Variants in SOX10 observed in about 807,000 individuals in gnomAD.
SOX10 encodes the protein SRY-box transcription factor 10.
Under a neutral mutation model 35.0 loss-of-function variants are expected in SOX10, and 3 were observed. The observed-to-expected ratio is 0.09, with a 90% CI of 0.04 to 0.22. The LOEUF (loss-of-function observed/expected upper bound fraction) is 0.22, where lower values mean the gene tolerates loss of function less well. SOX10 is among the 10% of genes least tolerant of loss of function. The pLI, the probability that SOX10 is intolerant of heterozygous loss-of-function variation, is 1.00. For missense variants in SOX10, 436 were observed against 655.1 expected (o/e 0.67, Z 3.65); for synonymous variants, 285 against 291.0 (o/e 0.98, Z 0.21).
In SOX10 at chr22:37,973,367, C is replaced by A. The variant is rs986768596; in HGVS notation, c.*128G>T. The A allele has an allele frequency of 2.7e-5, 18 of 666,382 alleles. No individual in the cohort carries two copies. The highest frequency in any genetic ancestry group is 4.2e-4 in the Middle Eastern group (1 of 2,390). 41.3% of individuals were successfully genotyped at this position (666,382 alleles called of 1,614,324 possible). On this transcript the variant is annotated 3_prime_UTR_variant, in exon 4 of 4. Coordinates refer to ENST00000396884, the MANE Select transcript of SOX10 (RefSeq NM_006941.4). ...GCAGTGAGCCAGACAGAAAGCCCCC[C>A]GACCTGTCAGCCTCTTCAGCCTCCT...
At position 37,983,380 on chromosome 22, in the gene SOX10, G is replaced by T; in HGVS notation, c.405C>A (p.Ser135Arg). 6.2e-7 allele frequency: 1 copy of T among 1,609,248 alleles called. No individual in the cohort carries two copies. The highest frequency in any genetic ancestry group is 8.5e-7 in the Non-Finnish European group (1 of 1,178,640). Residue 135 changes from serine (S) to arginine (R), a missense_variant, in exon 2 of 4, where the codon AGC becomes AGA. Ser to Arg is a moderately radical substitution (Grantham distance 110). This residue lies in a region of SOX10 where 54 missense variants were observed against 156.7 expected (regional missense o/e 0.34). Transcript: ENST00000396884. The surrounding 1 kb of genome is among the most constrained non-coding windows in gnomAD (Gnocchi z 9.5). ...ACCTCCAGAGCTTGCCCAGCGTCTT[G>T]CTGAGCTCAGCGTTGTGCAGGTGCG... ...QYPHLHNAEL[S>R]KTLGKLWRLL... is the part of the protein sequence containing the mutation.
rs1411459352 is a variant in SOX10, at chr22:37,978,532, T to C, written c.429-397A>G. 6.6e-6 allele frequency among the ~76,000 whole-genome samples: 1 copy of C among 152,122 alleles called. No individual in the cohort carries two copies. Among genetic ancestry groups the C allele is most frequent in the East Asian group, 1.9e-4 (1 of 5,194 alleles). ...ATTGGCTACTTCAGTGGGGGTGAGC[T>C]CCCTGGGACTGAGGGTGGGCAATAG... is the stretch of plus-strand genomic sequence containing the variant. On this transcript the variant is annotated intron_variant, in intron 2 of 3. Transcript: ENST00000396884. This position sits in a 1 kb window ranked among gnomAD's most constrained non-coding sequence, Gnocchi z 5.0.
intron 2 of SOX10, among the ~76,000 whole-genome samples, chr22:37,979,707 A>T (rs1194592308): frequency 6.6e-6 from 1 of 152,092 alleles, no homozygotes; most frequent in Non-Finnish European, 1.5e-5. Context: ...CTCCAGCCTT[A>T]GGCCAGGGTT....
chr22:37,979,940 T>G (rs1414370211), intron 2 of SOX10, among the ~76,000 whole-genome samples: 1 of 151,904 alleles, frequency 6.6e-6, no homozygotes, highest in Non-Finnish European at 1.5e-5. Flanking sequence ...CTTCCCCCAG[T>G]CAGCAGAAGG....
At chr22:37,979,770 T>C (rs1932338734) in intron 2 of SOX10, among the ~76,000 whole-genome samples, 1 of 151,878 alleles carries the variant, frequency 6.6e-6, no homozygotes, top group Admixed American at 6.6e-5. Flanking sequence ...GAGGGCAGGA[T>C]GGGGTACCTT....
At position 37,982,319 on chromosome 22, in the gene SOX10, G is replaced by A. The variant is rs116566204; in HGVS notation, c.428+1038C>T. Among the ~76,000 whole-genome samples the A allele has an allele frequency of 8.1e-3, 1,234 of 152,262 alleles. 21 individuals are homozygous for A. Among genetic ancestry groups the A allele is most frequent in the African/African-American group, 0.028 (1,149 of 41,522 alleles). On this transcript the variant is annotated intron_variant, in intron 2 of 3. Transcript: ENST00000396884. ...GGGCCTGTCTCTTGGTCAGTCTAGCGAGAATCAGGTGACTGCTACCGGCTC... is the reference window on the plus strand; with the variant it reads ...GGGCCTGTCTCTTGGTCAGTCTAGCAAGAATCAGGTGACTGCTACCGGCTC...
Position 37,973,803 on chromosome 22 carries a change from C to G in SOX10, c.1093G>C (p.Gly365Arg), listed in dbSNP as rs748755187. The G allele has an allele frequency of 3.8e-5, 61 of 1,596,320 alleles. No individual in the cohort carries two copies. The highest frequency in any genetic ancestry group is 4.9e-5 in the Non-Finnish European group (57 of 1,168,796). Residue 365 changes from glycine to arginine, a missense_variant, in exon 4 of 4, where the codon GGG (glycine) becomes CGG (arginine). This residue lies in a region of SOX10 where 285 missense variants were observed against 402.9 expected (regional missense o/e 0.71). Coordinates refer to ENST00000396884, the MANE Select transcript of SOX10 (RefSeq NM_006941.4). ...QVKTETAGPQ[G>R]PPHYTDQPST... is the part of the protein sequence containing the mutation. ...GGCTGGTCGGTGTAGTGTGGGGGCC[C>G]CTGGGGCCCCGCGGTCTCTGTCTTC...
chr22:37,973,616 TAGG>T lies in SOX10; in HGVS notation c.1277_1279del (p.Ser426del). The T allele has an allele frequency of 1.2e-6, 2 of 1,613,486 alleles. No homozygotes were observed. The highest frequency in any genetic ancestry group is 1.7e-6 in the Non-Finnish European group (2 of 1,179,798). On this transcript the variant is annotated inframe_deletion, in exon 4 of 4. Coordinates refer to ENST00000396884, the MANE Select transcript of SOX10 (RefSeq NM_006941.4). Reference sequence around the variant, plus strand: ...GAGGGGCCGCTGCGAGGGCCCCATATAGGAGAAGGCCGAGTAGAGGCCAGAGGC... The same window carrying T: ...GAGGGGCCGCTGCGAGGGCCCCATATAGAAGGCCGAGTAGAGGCCAGAGGC...
rs539920005 is a variant in SOX10, at chr22:37,980,288, G to A, written c.429-2153C>T. On this transcript the variant is annotated intron_variant, in intron 2 of 3. Coordinates refer to ENST00000396884, the MANE Select transcript of SOX10 (RefSeq NM_006941.4). The surrounding 1 kb of genome is among the most constrained non-coding windows in gnomAD (Gnocchi z 4.1). ...AGGAGAGAGCTGCTCCGCCAGCAGT[G>A]GACCCCAACAGAGGGGCTTCTGGGA... Among the ~76,000 whole-genome samples the A allele has an allele frequency of 1.1e-4, 17 of 152,196 alleles. No individual in the cohort carries two copies. The South Asian group carries it at 3.5e-3, about 32-fold the overall frequency.
chr22:37,973,349 G>A lies in SOX10; in HGVS notation c.*146C>T. 1 of 619,932 alleles carries A rather than the reference G, an allele frequency of 1.6e-6. No individual in the cohort carries two copies. Among genetic ancestry groups the A allele is most frequent in the South Asian group, 2.0e-5 (1 of 48,930 alleles). 38.4% of individuals were successfully genotyped at this position (619,932 alleles called of 1,614,324 possible). ...GGCGGGTGGGTCATCAGGGCAGTGA[G>A]CCAGACAGAAAGCCCCCCGACCTGT... On this transcript the variant is annotated 3_prime_UTR_variant, in exon 4 of 4. Transcript: ENST00000396884.
In SOX10 at chr22:37,980,052, C is replaced by A. The variant is rs59450552; in HGVS notation, c.429-1917G>T. On this transcript the variant is annotated intron_variant, in intron 2 of 3. Transcript: ENST00000396884. The surrounding 1 kb of genome is among the most constrained non-coding windows in gnomAD (Gnocchi z 4.1). ...GCTTAGCCTCCCTGTCTACTCCCCC[C>A]ACCCCGGCCCTGAGCCCAGCCCTAG... Among the ~76,000 whole-genome samples, 30 of 152,286 alleles carry A rather than the reference C, an allele frequency of 2.0e-4. No homozygotes were observed. Among genetic ancestry groups the A allele is most frequent in the South Asian group, 1.7e-3 (8 of 4,820 alleles).
chr22:37,984,354 C>T lies in SOX10; in HGVS notation c.-100G>A, dbSNP rs1932505141. The stretch of plus-strand genomic sequence containing the variant: ...GCGCACTCACCTCCTCGGACCTCTC[C>T]TCCAGTCTGGGGCTCGTCCTTAGGA... On this transcript the variant is annotated 5_prime_UTR_variant, in exon 1 of 4. Coordinates refer to ENST00000396884, the MANE Select transcript of SOX10 (RefSeq NM_006941.4). The surrounding 1 kb of genome is among the most constrained non-coding windows in gnomAD (Gnocchi z 4.4). 1 of 152,560 alleles carries T rather than the reference C, an allele frequency of 6.6e-6. No individual in the cohort carries two copies. Among genetic ancestry groups the T allele is most frequent in the Non-Finnish European group, 1.5e-5 (1 of 68,168 alleles). The allele number at this position is 152,560 out of a possible 1,614,324, so 9.5% of individuals were successfully genotyped here. A position where few individuals can be genotyped will look rare whatever the true frequency, so the allele number is the denominator to read the frequency against.
rs1932506985 is a variant in SOX10, at chr22:37,984,414, C to T, written c.-160G>A. ...CCGTGTCCCAAGGTGTGCGGTCCAG[C>T]TCGGGGCTGGGAGGTGACGCTGGTG... On this transcript the variant is annotated 5_prime_UTR_variant, in exon 1 of 4. Coordinates refer to ENST00000396884, the MANE Select transcript of SOX10 (RefSeq NM_006941.4). The surrounding 1 kb of genome is among the most constrained non-coding windows in gnomAD (Gnocchi z 4.4). 1.4e-5 allele frequency: 2 copies of T among 142,546 alleles called. No homozygotes were observed. The highest frequency in any genetic ancestry group is 5.2e-4 in the South Asian group (2 of 3,838). The allele number at this position is 142,546 out of a possible 1,614,324, so 8.8% of individuals were successfully genotyped here. A position where few individuals can be genotyped will look rare whatever the true frequency, so the allele number is the denominator to read the frequency against.
chr22:37,976,159 G>A (rs1261017982), intron 3 of SOX10, among the ~76,000 whole-genome samples: 4 of 152,148 alleles, frequency 2.6e-5, no homozygotes, highest in Admixed American at 6.5e-5. Flanking sequence ...GGAGGCAGAC[G>A]TTGCAGTGAA....
chr22:37,984,022 G>T lies in SOX10; in HGVS notation c.-84-154C>A, dbSNP rs1432193324. ...CCCACGCACATGCCAGACTCTAGGT[G>T]GGTGCGTCCCGCCTCTGTGTCTTCC... On this transcript the variant is annotated intron_variant, in intron 1 of 3. Transcript: ENST00000396884. This position sits in a 1 kb window ranked among gnomAD's most constrained non-coding sequence, Gnocchi z 4.4. Among the ~76,000 whole-genome samples, 2 of 152,112 alleles carry T rather than the reference G, an allele frequency of 1.3e-5. No individual in the cohort carries two copies. The highest frequency in any genetic ancestry group is 6.5e-5 in the Admixed American group (1 of 15,274).
chr22:37,975,978 T>C (rs555230459), intron 3 of SOX10, among the ~76,000 whole-genome samples: 1 of 152,136 alleles, frequency 6.6e-6, no homozygotes, highest in South Asian at 2.1e-4. Flanking sequence ...TGCTGGGTCA[T>C]GCCTGTAATC....
rs1932501362 is a variant in SOX10, at chr22:37,984,251, G to C, written c.-85+88C>G. On this transcript the variant is annotated intron_variant, in intron 1 of 3. Transcript: ENST00000396884. This position sits in a 1 kb window ranked among gnomAD's most constrained non-coding sequence, Gnocchi z 4.4. ...ACGGGGTTTAGAGGAGAGCCAGGTG[G>C]GGGGCAAGGGCGGGGTGTCGCCTCT... The C allele has an allele frequency of 6.5e-6, 1 of 154,688 alleles. No individual in the cohort carries two copies. The highest frequency in any genetic ancestry group is 2.4e-5 in the African/African-American group (1 of 41,472). 9.6% of individuals were successfully genotyped at this position (154,688 alleles called of 1,614,324 possible).
intron 3 of SOX10, 138 bp downstream of exon 3, chr22:37,977,728 TG>T: frequency 5.4e-6 from 5 of 930,120 alleles, no homozygotes; most frequent in African/African-American, 1.6e-5. Flanking sequence ...GAGCTCCCTC[TG>T]GGCCCCTGCA....
chr22:37,977,969 C>T lies in SOX10; in HGVS notation c.595G>A (p.Gly199Arg). Residue 199 changes from glycine to arginine, a missense_variant, in exon 3 of 4, where the codon GGG (glycine) becomes AGG (arginine). This residue lies in a region of SOX10 where 285 missense variants were observed against 402.9 expected (regional missense o/e 0.71). Coordinates refer to ENST00000396884, the MANE Select transcript of SOX10 (RefSeq NM_006941.4). ...ECPGGEAEQG[G>R]TAAIQAHYKS... ...TAGTGGGCCTGGATGGCGGCGGTCC[C>T]ACCTTGCTCGGCCTCCCCACCGGGG... The T allele has an allele frequency of 6.2e-7, 1 of 1,612,150 alleles. No homozygotes were observed. The highest frequency in any genetic ancestry group is 8.5e-7 in the Non-Finnish European group (1 of 1,179,896).
Sources: allele counts gnomAD v4.1 joint callset (sites outside exome capture counted in the v4.1 genomes callset), GRCh38; gene constraint gnomAD v4.1.1; regional missense constraint gnomAD v4.1.1; non-coding constraint Gnocchi (gnomAD v3.1); transcripts MANE v1.5; gene names NCBI Gene and HGNC (gene_info 2026-07-23, HGNC 2026-07-21).